NCOA2: variants seen among roughly 807,000 people sequenced by gnomAD.
The protein encoded by NCOA2 is nuclear receptor coactivator 2.
Under a neutral mutation model 145.1 loss-of-function variants are expected in NCOA2, and 21 were observed. The ratio of observed to expected loss-of-function variants is 0.14; its 90% CI spans 0.10 to 0.21. NCOA2 has a LOEUF of 0.21. NCOA2 is among the 10% of genes least tolerant of loss of function. The probability of loss-of-function intolerance (pLI) is 1.00; values close to 1 mark genes in which losing one functional copy is unlikely to be tolerated. For missense variants in NCOA2, 1,472 were observed against 1,837.6 expected, an observed-to-expected ratio of 0.80 and a Z score of 3.64; for synonymous variants, 619 against 637.5, an observed-to-expected ratio of 0.97 and a Z score of 0.44.
intron 2 of NCOA2, among the ~76,000 whole-genome samples, chr8:70,295,978 T>C (rs1187144684): frequency 1.3e-5 from 2 of 152,286 alleles, no homozygotes; most frequent in East Asian, 3.9e-4. Flanking sequence ...TAATAAACTA[T>C]TTCTATTTGT....
At chr8:70,438,337 C>A in the NCOA2 span, among the ~76,000 whole-genome samples, 2,111 of 152,234 alleles carry the variant, frequency 0.014, 53 homozygotes, top group African/African-American at 0.048. Flanking sequence ...TGTTCTAGGA[C>A]TTTTTGGTCC....
the NCOA2 span, among the ~76,000 whole-genome samples, chr8:70,409,033 G>C: frequency 6.6e-6 from 1 of 152,100 alleles, no homozygotes; most frequent in Admixed American, 6.5e-5. Flanking sequence ...GAGGCAAAGA[G>C]TTTGAGACCA....
intron 2 of NCOA2, among the ~76,000 whole-genome samples, chr8:70,258,286 T>C (rs1350877759): frequency 6.6e-6 from 1 of 152,258 alleles, no homozygotes; most frequent in East Asian, 1.9e-4. Flanking sequence ...AAATCTTGTC[T>C]GCTGATGCAG....
At chr8:70,193,974 C>G (rs776226576) in intron 4 of NCOA2, among the ~76,000 whole-genome samples, 7 of 152,148 alleles carry the variant, frequency 4.6e-5, no homozygotes, top group Non-Finnish European at 8.8e-5. Context: ...CTTCCTCAGA[C>G]AAAATTTCTT....
At chr8:70,214,099 A>G (rs1473919612) in intron 3 of NCOA2, 24 bp from the exon 4 acceptor site, 10 of 1,580,244 alleles carry the variant, frequency 6.3e-6, no homozygotes, top group Non-Finnish European at 8.5e-6. Context: ...ACACATTTTT[A>G]TGATGTATTT....
At chr8:70,175,986 T>G (rs1814787523) in intron 4 of NCOA2, among the ~76,000 whole-genome samples, 1 of 152,140 alleles carries the variant, frequency 6.6e-6, no homozygotes, top group Non-Finnish European at 1.5e-5. Flanking sequence ...AATCTTGCCA[T>G]TCCCATGACA....
chr8:70,368,133 A>C (rs1810885491), intron 1 of NCOA2, among the ~76,000 whole-genome samples: 1 of 152,224 alleles, frequency 6.6e-6, no homozygotes, highest in Non-Finnish European at 1.5e-5. Flanking sequence ...AGCTGCAACA[A>C]TTTCAAAACC....
rs1304020785 is a variant in NCOA2 at position 70,113,187 on chromosome 8, C to T, written c.*445G>A. ...TTTTTTAAAAAATTCTTTTCTTTCC[C>T]CCAGATAAAATCTTAATCTTTTGCA... On this transcript the variant is annotated 3_prime_UTR_variant, in exon 23 of 23. Coordinates refer to ENST00000452400, the MANE Select transcript of NCOA2 (RefSeq NM_006540.4). 2 of 227,722 alleles carry T rather than the reference C, an allele frequency of 8.8e-6. No individual in the cohort carries two copies. Among genetic ancestry groups the T allele is most frequent in the Non-Finnish European group, 1.7e-5 (2 of 115,038 alleles). The allele number at this position is 227,722 out of a possible 1,614,324, so 14.1% of individuals were successfully genotyped here.
rs148705927 is a variant in NCOA2 at position 70,320,028 on chromosome 8, A to C, written c.-76-23228T>G. Among the ~76,000 whole-genome samples the C allele has an allele frequency of 5.9e-3, 897 of 152,332 alleles. 5 individuals are homozygous for C. Among genetic ancestry groups the C allele is most frequent in the African/African-American group, 0.02 (837 of 41,582 alleles). On this transcript the variant is annotated intron_variant, in intron 1 of 22. Coordinates refer to ENST00000452400, the MANE Select transcript of NCOA2 (RefSeq NM_006540.4). The stretch of plus-strand genomic sequence containing the variant: ...AAACATAACTATTAAGAATGAATAA[A>C]TTAGGTGAATGTGAATAGTATAAAT...
intron 2 of NCOA2, among the ~76,000 whole-genome samples, chr8:70,220,401 G>C (rs1207371684): frequency 6.6e-6 from 1 of 152,058 alleles, no homozygotes; most frequent in Non-Finnish European, 1.5e-5. Flanking sequence ...GGTTGTGAAA[G>C]GACAAGTCTG....
chr8:70,217,404 C>G lies in NCOA2; in HGVS notation c.-19-640G>C, dbSNP rs549757634. Among the ~76,000 whole-genome samples the G allele has an allele frequency of 1.9e-4, 29 of 152,264 alleles. No individual in the cohort carries two copies. The South Asian group carries it at 4.8e-3, about 25-fold the overall frequency. Reference sequence around the variant, plus strand: ...AGCAGCTGCCTGGCTGCTCCTCCATCGGTGCCCTCTCTCTGTGGCAGCTCG... The same window carrying G: ...AGCAGCTGCCTGGCTGCTCCTCCATGGGTGCCCTCTCTCTGTGGCAGCTCG... On this transcript the variant is annotated intron_variant, in intron 2 of 22. Coordinates refer to ENST00000452400, the MANE Select transcript of NCOA2 (RefSeq NM_006540.4).
chr8:70,204,906 G>A (rs1818273809), intron 4 of NCOA2, among the ~76,000 whole-genome samples: 2 of 152,184 alleles, frequency 1.3e-5, no homozygotes, highest in African/African-American at 4.8e-5. Context: ...TACTCAGGAG[G>A]ATGAGGCACA....
the NCOA2 span, among the ~76,000 whole-genome samples, chr8:70,451,229 A>AT: frequency 8.8e-6 from 1 of 114,184 alleles, no homozygotes; most frequent in African/African-American, 3.8e-5. Flanking sequence ...AAAAAAAAAA[A>AT]AAAAAAAAAT....
chr8:70,163,576 C>T lies in NCOA2; in HGVS notation c.731-10G>A, dbSNP rs776779533. The T allele has an allele frequency of 1.1e-5, 18 of 1,605,394 alleles. No homozygotes were observed. In the South Asian group the frequency reaches 1.8e-4, roughly 16 times the overall value. On this transcript the variant is annotated splice_polypyrimidine_tract_variant and intron_variant, in intron 7 of 22. Coordinates refer to ENST00000452400, the MANE Select transcript of NCOA2 (RefSeq NM_006540.4). Reference sequence around the variant, plus strand: ...AAGCAGGACTGCAAATCTTAAACCACACATGTTTACATTTATCATATTGGG... The same window carrying T: ...AAGCAGGACTGCAAATCTTAAACCATACATGTTTACATTTATCATATTGGG...
intron 15 of NCOA2, 91 bp from the exon 16 acceptor site, chr8:70,132,093 A>G: frequency 7.4e-7 from 1 of 1,342,406 alleles, no homozygotes; most frequent in Non-Finnish European, 1.0e-6. Context: ...GTATCAATTG[A>G]CTTCCAGGGT....
chr8:70,205,400 A>G (rs1396616189), intron 4 of NCOA2, among the ~76,000 whole-genome samples: 1 of 152,164 alleles, frequency 6.6e-6, no homozygotes, highest in African/African-American at 2.4e-5. Flanking sequence ...GGCTTTGGGT[A>G]TACGTACTGA....
At chr8:70,329,719 ATAC>A (rs1474757308) in intron 1 of NCOA2, among the ~76,000 whole-genome samples, 4 of 152,238 alleles carry the variant, frequency 2.6e-5, no homozygotes, top group African/African-American at 9.6e-5. Flanking sequence ...ATATAATGGA[ATAC>A]TACAAAGCAA....
Position 70,156,544 on chromosome 8 carries a change from T to C in NCOA2, c.1821A>G (p.Gly607=), listed in dbSNP as rs1812313062. Residue 607 remains glycine (G), a synonymous_variant, in exon 11 of 23, where the codon GGA becomes GGG. Coordinates refer to ENST00000452400, the MANE Select transcript of NCOA2 (RefSeq NM_006540.4). ...TGQAESSCHP[G]EQKETNDPNL... is the part of the protein sequence containing the mutation. The stretch of plus-strand genomic sequence containing the variant: ...TGGGGTCATTTGTTTCCTTTTGCTC[T>C]CCAGGATGGCAGCTGCTCTCTGCTT... 5.0e-6 allele frequency: 8 copies of C among 1,613,918 alleles called. No individual in the cohort carries two copies. Among genetic ancestry groups the C allele is most frequent in the Non-Finnish European group, 6.8e-6 (8 of 1,179,868 alleles).
rs868569432 is a variant in NCOA2 at position 70,140,907 on chromosome 8, T to A, written c.3028+277A>T. Among the ~76,000 whole-genome samples the A allele has an allele frequency of 8.5e-5, 13 of 152,202 alleles. No homozygotes were observed. In the Middle Eastern group the frequency reaches 0.014, roughly 159 times the overall value. On this transcript the variant is annotated intron_variant, in intron 14 of 22. Transcript: ENST00000452400. ...TCACCGTGCCTGGCCTATTTCTTTA[T>A]TAATAGTGTGACATTATAATTCATT...
Sources: allele counts gnomAD v4.1 joint callset (sites outside exome capture counted in the v4.1 genomes callset), GRCh38; gene constraint gnomAD v4.1.1; transcripts MANE v1.5; gene names NCBI Gene and HGNC (gene_info 2026-07-23, HGNC 2026-07-21).